The following PPM1L variants were observed in gnomAD, a reference collection of about 807,000 sequenced individuals.
PPM1L encodes the protein protein phosphatase, Mg2+/Mn2+ dependent 1L.
In PPM1L, 13 loss-of-function variants were observed where a neutral mutation model predicts 31.4. The observed-to-expected ratio is 0.41, with a 90% confidence interval of 0.27 to 0.66. PPM1L has a LOEUF of 0.66. Among genes scored for constraint, PPM1L ranks in the 30% least tolerant of loss-of-function variants. PPM1L has a pLI of 0.29. For synonymous variants in PPM1L, 184 were observed against 175.4 expected (o/e 1.05, Z -0.39); for missense variants, 326 against 453.7 (o/e 0.72, Z 2.56).
chr3:160,767,827 G>A (rs1210652484), intron 1 of PPM1L, among the ~76,000 whole-genome samples: 1 of 151,932 alleles, frequency 6.6e-6, no homozygotes, highest in African/African-American at 2.4e-5. Flanking sequence ...ATTGCAATAG[G>A]GCAGAAACTG....
Position 161,074,850 on chromosome 3 carries a change from G to T in PPM1L, c.*5693G>T, listed in dbSNP as rs1406585550. ...ATCACAGACAGTTTCCCTGTTCAAAGCTCCACCAAAAAGCAAGCATGCAGC... is the reference window on the plus strand; with the variant it reads ...ATCACAGACAGTTTCCCTGTTCAAATCTCCACCAAAAAGCAAGCATGCAGC... On this transcript the variant is annotated 3_prime_UTR_variant, in exon 4 of 4. Coordinates refer to ENST00000498165, the MANE Select transcript of PPM1L (RefSeq NM_139245.4). The T allele has an allele frequency of 6.6e-6, 1 of 152,142 alleles. No homozygotes were observed. Among genetic ancestry groups the T allele is most frequent in the Non-Finnish European group, 1.5e-5 (1 of 68,030 alleles). The allele number at this position is 152,142 out of a possible 1,614,324, so 9.4% of individuals were successfully genotyped here.
At chr3:160,822,750 G>A (rs75626678) in intron 1 of PPM1L, among the ~76,000 whole-genome samples, 233 of 152,132 alleles carry the variant, frequency 1.5e-3, no homozygotes, top group Non-Finnish European at 3.0e-3. Context: ...TAAGAATGTT[G>A]CAAATGGCTG....
chr3:160,776,604 C>CTTTTTTTTT (rs72051944), intron 1 of PPM1L, among the ~76,000 whole-genome samples: 2 of 132,960 alleles, frequency 1.5e-5, no homozygotes, highest in Non-Finnish European at 1.6e-5. Context: ...ACCTTGGTGC[C>CTTTTTTTTT]TTTTTTTTTT....
intron 1 of PPM1L, among the ~76,000 whole-genome samples, chr3:160,923,336 C>T (rs1714477438): frequency 6.6e-6 from 1 of 152,132 alleles, no homozygotes; most frequent in African/African-American, 2.4e-5. Flanking sequence ...GCCTTATTTC[C>T]ATTTGACGGT....
At chr3:160,989,258 A>G (rs1717056380) in intron 2 of PPM1L, among the ~76,000 whole-genome samples, 1 of 152,134 alleles carries the variant, frequency 6.6e-6, no homozygotes, top group South Asian at 2.1e-4. Context: ...ATTGTCCTAT[A>G]ATAAGTTCCT....
intron 2 of PPM1L, among the ~76,000 whole-genome samples, chr3:160,991,167 G>C (rs558121100): frequency 2.0e-5 from 3 of 151,988 alleles, no homozygotes; most frequent in Non-Finnish European, 4.4e-5. Context: ...ATTCAAAGTC[G>C]TCCTGGGCTG....
chr3:160,790,558 C>T (rs1712075381), intron 1 of PPM1L, among the ~76,000 whole-genome samples: 1 of 151,980 alleles, frequency 6.6e-6, no homozygotes, highest in Non-Finnish European at 1.5e-5. Flanking sequence ...TATTTGGGAA[C>T]ACTGATTTTG....
chr3:160,771,756 G>C (rs116585569), intron 1 of PPM1L, among the ~76,000 whole-genome samples: 1 of 151,752 alleles, frequency 6.6e-6, no homozygotes, highest in Non-Finnish European at 1.5e-5. Context: ...AAAGCTTTAT[G>C]TTTAATCTAA....
intron 1 of PPM1L, among the ~76,000 whole-genome samples, chr3:160,939,101 C>G (rs1715073730): frequency 6.6e-6 from 1 of 152,088 alleles, no homozygotes; most frequent in Non-Finnish European, 1.5e-5. Context: ...GCGTAGTGTT[C>G]AACATATAGA....
At chr3:160,877,878 G>T (rs373128348) in intron 1 of PPM1L, among the ~76,000 whole-genome samples, 1 of 152,120 alleles carries the variant, frequency 6.6e-6, no homozygotes, top group Admixed American at 6.6e-5. Context: ...CATGTGGTTG[G>T]CAAGGAAGAG....
intron 1 of PPM1L, among the ~76,000 whole-genome samples, chr3:160,887,055 G>A (rs1311601501): frequency 6.6e-6 from 1 of 151,852 alleles, no homozygotes; most frequent in Non-Finnish European, 1.5e-5. Context: ...CAAGAGCTTC[G>A]TGAAGCATAG....
At chr3:161,036,169 G>A (rs1377702216) in intron 2 of PPM1L, 2 of 152,136 alleles carry the variant, frequency 1.3e-5, no homozygotes, top group Admixed American at 6.6e-5. Flanking sequence ...TCTTCATATG[G>A]TATAATCACT....
chr3:161,015,917 T>C (rs534483632), intron 2 of PPM1L, among the ~76,000 whole-genome samples: 4 of 152,230 alleles, frequency 2.6e-5, no homozygotes, highest in African/African-American at 9.6e-5. Flanking sequence ...CTTCTGAATG[T>C]ACATCCCACC....
chr3:160,941,475 C>T (rs1340001973), intron 1 of PPM1L, among the ~76,000 whole-genome samples: 7 of 152,106 alleles, frequency 4.6e-5, no homozygotes. Context: ...ATCATGGGGG[C>T]CAGTGTTTCT....
Position 161,068,895 on chromosome 3 carries a change from A to C in PPM1L, c.821A>C (p.Asn274Thr). ...TCCCTGGGGGATTATCCGCTGAAAA[A>C]TCTCAACGTGGTCATCCCAGACCCA... ...SRSLGDYPLK[N>T]LNVVIPDPDI... Residue 274 changes from asparagine to threonine, a missense_variant, in exon 4 of 4, where the codon AAT becomes ACT. Physicochemically the swap from Asn to Thr is moderately conservative, Grantham distance 65. Coordinates refer to ENST00000498165, the MANE Select transcript of PPM1L (RefSeq NM_139245.4). The C allele has an allele frequency of 6.2e-7, 1 of 1,613,986 alleles. No homozygotes were observed.
chr3:161,003,200 G>C (rs1224567474), intron 2 of PPM1L, among the ~76,000 whole-genome samples: 2,916 of 148,620 alleles, frequency 0.02, 59 homozygotes, highest in African/African-American at 0.055. Flanking sequence ...TGATCTATAT[G>C]TCTGTTTTGG....
intron 2 of PPM1L, chr3:161,022,335 A>G (rs1008191628): frequency 7.5e-6 from 3 of 400,422 alleles, no homozygotes; most frequent in African/African-American, 6.2e-5. Flanking sequence ...TTATAATGTC[A>G]TCAATAATTT....
chr3:160,868,960 C>T (rs1576679880), intron 1 of PPM1L, among the ~76,000 whole-genome samples: 1 of 152,236 alleles, frequency 6.6e-6, no homozygotes, highest in East Asian at 1.9e-4. Flanking sequence ...CAAGGTCTGG[C>T]TCCTCATTTT....
At chr3:160,872,342 G>A (rs977309913) in intron 1 of PPM1L, among the ~76,000 whole-genome samples, 1 of 151,970 alleles carries the variant, frequency 6.6e-6, no homozygotes, top group Non-Finnish European at 1.5e-5. Flanking sequence ...TCTTCTTTTT[G>A]CTACTTTTTT....
Sources: gnomAD v4.1 joint callset for allele counts (sites outside exome capture counted in the v4.1 genomes callset) on GRCh38, gnomAD v4.1.1 for gene constraint, MANE v1.5 for transcripts, NCBI Gene and HGNC (gene_info 2026-07-23, HGNC 2026-07-21) for gene names.